The following RTL4 variants were observed in gnomAD, a reference collection of about 807,000 sequenced individuals.
The protein encoded by RTL4 is retrotransposon Gag-like protein 4.
In RTL4, 4 loss-of-function variants were observed where a neutral mutation model predicts 5.3. That is an observed-to-expected ratio of 0.75 (90% CI 0.37 to 1.72). The LOEUF (loss-of-function observed/expected upper bound fraction) is 1.72. RTL4 is among the 40% of genes most tolerant of loss of function. The pLI is 0.04. For synonymous variants in RTL4, 98 were observed against 87.3 expected, an observed-to-expected ratio of 1.12 and a Z score of -0.68; for missense variants, 260 against 227.1, an observed-to-expected ratio of 1.14 and a Z score of -0.93.
chrX:112,197,011 G>A, the RTL4 span, among the ~76,000 whole-genome samples: 1 of 109,702 alleles, frequency 9.1e-6, no homozygotes, highest in Admixed American at 9.7e-5. Flanking sequence ...GATTAGTGAT[G>A]TTGAGCATTT....
the RTL4 span, among the ~76,000 whole-genome samples, chrX:112,088,185 G>A: frequency 1.3e-4 from 14 of 108,675 alleles, no homozygotes; most frequent in African/African-American, 4.7e-4. Flanking sequence ...AGAAGATCCT[G>A]TATCCCTGAA....
At chrX:112,345,259 G>A in the RTL4 span, among the ~76,000 whole-genome samples, 1 of 111,059 alleles carries the variant, frequency 9.0e-6, no homozygotes, top group African/African-American at 3.3e-5. Flanking sequence ...GAGCTTCTCT[G>A]GCTGTCACTG....
the RTL4 span, among the ~76,000 whole-genome samples, chrX:112,326,243 G>C: frequency 2.7e-5 from 3 of 111,507 alleles, no homozygotes; most frequent in Non-Finnish European, 5.7e-5. Context: ...CTGAGGTGCC[G>C]GGTTCATCTC....
At chrX:112,331,123 A>G in the RTL4 span, among the ~76,000 whole-genome samples, 1 of 102,086 alleles carries the variant, frequency 9.8e-6, no homozygotes, top group Non-Finnish European at 2.0e-5. Context: ...TAAAACACCA[A>G]AAGCAATGGC....
the RTL4 span, among the ~76,000 whole-genome samples, chrX:112,107,906 C>T: frequency 8.9e-6 from 1 of 111,770 alleles, no homozygotes; most frequent in Non-Finnish European, 1.9e-5. Context: ...TTTCTACTTC[C>T]TTTTCTTTCA....
the RTL4 span, among the ~76,000 whole-genome samples, chrX:112,175,711 G>T: frequency 1.8e-5 from 2 of 111,031 alleles, no homozygotes; most frequent in African/African-American, 6.6e-5. Context: ...AATAAATTAG[G>T]TATTGATGGG....
At chrX:112,089,232 G>A in the RTL4 span, among the ~76,000 whole-genome samples, 8 of 110,246 alleles carry the variant, frequency 7.3e-5, no homozygotes, top group Non-Finnish European at 1.3e-4. Flanking sequence ...TTTAGCATTA[G>A]GTATATCTCC....
the RTL4 span, among the ~76,000 whole-genome samples, chrX:112,321,305 A>G: frequency 8.9e-6 from 1 of 111,740 alleles, no homozygotes; most frequent in African/African-American, 3.3e-5. Context: ...GGGGAGGCCA[A>G]GGTGGGCGGA....
the RTL4 span, among the ~76,000 whole-genome samples, chrX:112,324,874 T>C: frequency 4.5e-5 from 5 of 111,847 alleles, no homozygotes; most frequent in African/African-American, 6.5e-5. Flanking sequence ...AGTTAGTTTA[T>C]AGTGTTGCCT....
the RTL4 span, among the ~76,000 whole-genome samples, chrX:112,436,059 A>G: frequency 9.0e-6 from 1 of 111,127 alleles, no homozygotes; most frequent in Non-Finnish European, 1.9e-5. Context: ...TCTACCTAAA[A>G]TACAAAAATT....
chrX:112,161,323 G>T, the RTL4 span, among the ~76,000 whole-genome samples: 1 of 111,771 alleles, frequency 8.9e-6, no homozygotes, highest in African/African-American at 3.2e-5. Flanking sequence ...CAATGACATT[G>T]TCCTTGTTGT....
the RTL4 span, among the ~76,000 whole-genome samples, chrX:112,335,648 A>G: frequency 9.1e-6 from 1 of 109,729 alleles, no homozygotes; most frequent in Non-Finnish European, 1.9e-5. Flanking sequence ...TTTCTCTTTT[A>G]TATCCTTTTT....
chrX:112,246,686 A>T, the RTL4 span, among the ~76,000 whole-genome samples: 1 of 111,456 alleles, frequency 9.0e-6, no homozygotes, highest in Non-Finnish European at 1.9e-5. Context: ...GGGTGAGGCG[A>T]TGCCCCACCC....
At chrX:112,388,435 C>T in the RTL4 span, among the ~76,000 whole-genome samples, 15 of 112,150 alleles carry the variant, frequency 1.3e-4, no homozygotes, top group South Asian at 3.7e-4. Context: ...CTAGCTAAGA[C>T]GTTCAATTCT....
chrX:112,325,451 T>A, the RTL4 span, among the ~76,000 whole-genome samples: 7 of 111,394 alleles, frequency 6.3e-5, no homozygotes, highest in East Asian at 8.4e-4. Flanking sequence ...ACCAAAACAT[T>A]GATATAGACC....
the RTL4 span, among the ~76,000 whole-genome samples, chrX:112,384,719 A>C: frequency 8.9e-6 from 1 of 111,982 alleles, no homozygotes; most frequent in South Asian, 3.7e-4. Flanking sequence ...TATTAAATTT[A>C]AAGTAGTTTT....
At chrX:112,434,649 G>T in the RTL4 span, among the ~76,000 whole-genome samples, 557 of 111,343 alleles carry the variant, frequency 5.0e-3, 6 homozygotes, top group African/African-American at 0.018. Context: ...CTTGCTAGCG[G>T]TCTATCAATT....
At chrX:112,328,814 G>C in the RTL4 span, among the ~76,000 whole-genome samples, 1 of 111,956 alleles carries the variant, frequency 8.9e-6, no homozygotes, top group Admixed American at 9.5e-5. Context: ...CTATCTCTCA[G>C]ACCACAGTGC....
chrX:112,219,966 TCTC>T, the RTL4 span, among the ~76,000 whole-genome samples: 2 of 111,569 alleles, frequency 1.8e-5, no homozygotes, highest in African/African-American at 3.3e-5. Flanking sequence ...AACCTCACCT[TCTC>T]CTCCTCTGGG....
Sources: allele counts gnomAD v4.1 joint callset (sites outside exome capture counted in the v4.1 genomes callset), GRCh38; gene constraint gnomAD v4.1.1; transcripts MANE v1.5; gene names NCBI Gene and HGNC (gene_info 2026-07-23, HGNC 2026-07-21).